The following ATG5 variants were observed in gnomAD, a reference collection of about 807,000 sequenced individuals.
ATG5 encodes autophagy protein 5.
In ATG5, 14 loss-of-function variants were observed where a neutral mutation model predicts 36.5. That is an observed-to-expected ratio of 0.38 (90% CI 0.25 to 0.60). ATG5 has a LOEUF of 0.60. Among genes scored for constraint, ATG5 ranks in the 20% least tolerant of loss-of-function variants. The pLI is 0.60. For synonymous variants in ATG5, 95 were observed against 101.5 expected, an observed-to-expected ratio of 0.94 and a Z score of 0.38; for missense variants, 195 against 326.7, an observed-to-expected ratio of 0.60 and a Z score of 3.11.
chr6:106,203,163 C>T (rs567762441), intron 6 of ATG5, among the ~76,000 whole-genome samples: 1 of 152,220 alleles, frequency 6.6e-6, no homozygotes, highest in Non-Finnish European at 1.5e-5. Context: ...AACAGCAGAT[C>T]CAGCCATTTC....
At chr6:106,264,473 T>C (rs554026262) in intron 5 of ATG5, among the ~76,000 whole-genome samples, 2 of 152,110 alleles carry the variant, frequency 1.3e-5, no homozygotes, top group East Asian at 3.9e-4. Flanking sequence ...AACATTCAAA[T>C]TCAGGAAATA....
intron 5 of ATG5, among the ~76,000 whole-genome samples, chr6:106,255,291 A>C (rs575041735): frequency 6.6e-6 from 1 of 152,332 alleles, no homozygotes; most frequent in South Asian, 2.1e-4. Flanking sequence ...GAGAGGACAT[A>C]AGCATGATGG....
chr6:106,292,995 A>T (rs774552148), intron 4 of ATG5, 33 bp downstream of exon 4: 7 of 1,552,988 alleles, frequency 4.5e-6, no homozygotes, highest in Non-Finnish European at 5.3e-6. Context: ...ATGTATCACA[A>T]ATGGGACGAA....
chr6:106,323,903 T>C (rs1361310338), intron 1 of ATG5, among the ~76,000 whole-genome samples: 2 of 152,174 alleles, frequency 1.3e-5, no homozygotes, highest in Non-Finnish European at 1.5e-5. Flanking sequence ...ACTACTTCTT[T>C]CCCTCTTGTT....
chr6:106,184,721 T>C lies in ATG5; in HGVS notation c.*1819A>G, dbSNP rs1340302366. ...AGATCAGAAGTTCACTCAAGCCTAC[T>C]GCAAAGGCCTGACACTGGTTTTGTC... On this transcript the variant is annotated 3_prime_UTR_variant, in exon 8 of 8. Coordinates refer to ENST00000369076, the MANE Select transcript of ATG5 (RefSeq NM_004849.4). 6.6e-6 allele frequency: 1 copy of C among 152,314 alleles called. No individual in the cohort carries two copies. Among genetic ancestry groups the C allele is most frequent in the African/African-American group, 2.4e-5 (1 of 41,462 alleles). 9.4% of individuals were successfully genotyped at this position (152,314 alleles called of 1,614,324 possible).
At chr6:106,244,193 A>G (rs1438675392) in intron 6 of ATG5, among the ~76,000 whole-genome samples, 1 of 152,086 alleles carries the variant, frequency 6.6e-6, no homozygotes, top group African/African-American at 2.4e-5. Flanking sequence ...TGTTTTTTTA[A>G]AACTAAAAAT....
At chr6:106,213,763 A>G (rs1308078756) in intron 6 of ATG5, among the ~76,000 whole-genome samples, 1 of 152,206 alleles carries the variant, frequency 6.6e-6, no homozygotes, top group African/African-American at 2.4e-5. Flanking sequence ...CTTTGGGAGT[A>G]CTGTTTCTGA....
At chr6:106,246,681 T>A (rs920609368) in intron 6 of ATG5, among the ~76,000 whole-genome samples, 1 of 152,290 alleles carries the variant, frequency 6.6e-6, no homozygotes, top group Admixed American at 6.5e-5. Context: ...TTGACCCAAA[T>A]AAGTGCTGAG....
intron 6 of ATG5, among the ~76,000 whole-genome samples, chr6:106,228,310 T>C (rs1777527252): frequency 6.6e-6 from 1 of 152,168 alleles, no homozygotes; most frequent in Admixed American, 6.5e-5. Flanking sequence ...TCCATCCCTC[T>C]GGATCTAGCA....
At chr6:106,260,272 A>G (rs1778966343) in intron 5 of ATG5, among the ~76,000 whole-genome samples, 1 of 152,268 alleles carries the variant, frequency 6.6e-6, no homozygotes, top group Non-Finnish European at 1.5e-5. Flanking sequence ...TAAAAAAGAA[A>G]AAATAGCCAC....
At chr6:106,232,783 T>G (rs1441496793) in intron 6 of ATG5, among the ~76,000 whole-genome samples, 1 of 152,198 alleles carries the variant, frequency 6.6e-6, no homozygotes, top group African/African-American at 2.4e-5. Context: ...TAGCTGTACC[T>G]AACCCTTATA....
At chr6:106,201,595 T>C (rs889113248) in intron 7 of ATG5, among the ~76,000 whole-genome samples, 1 of 152,222 alleles carries the variant, frequency 6.6e-6, no homozygotes, top group Non-Finnish European at 1.5e-5. Context: ...TTTTCAGTAT[T>C]ATCAACTTTC....
At chr6:106,324,116 TAC>T in intron 1 of ATG5, among the ~76,000 whole-genome samples, 1 of 152,274 alleles carries the variant, frequency 6.6e-6, no homozygotes, top group African/African-American at 2.4e-5. Context: ...CCACTTGACG[TAC>T]ACAGTTGGCC....
intron 5 of ATG5, among the ~76,000 whole-genome samples, chr6:106,254,386 TCTTCAGCCCTAGAAAGTTCTACGTA>T (rs1303026966): frequency 3.9e-5 from 6 of 152,324 alleles, no homozygotes; most frequent in South Asian, 2.1e-4. Context: ...AAAGACTTTA[TCTTCAGCCCTAGAAAGTTCTACGTA>T]CTTCAGCCCT....
At chr6:106,201,416 A>G (rs1435844208) in intron 7 of ATG5, among the ~76,000 whole-genome samples, 1 of 152,170 alleles carries the variant, frequency 6.6e-6, no homozygotes, top group Non-Finnish European at 1.5e-5. Flanking sequence ...CAGAAATTTT[A>G]AAATTTGTCC....
chr6:106,249,809 G>A (rs1285769608), intron 5 of ATG5, among the ~76,000 whole-genome samples: 3 of 152,130 alleles, frequency 2.0e-5, no homozygotes, highest in Non-Finnish European at 4.4e-5. Flanking sequence ...ATTCTGGCAG[G>A]CATCAAGAAG....
chr6:106,232,486 T>C (rs1194131662), intron 6 of ATG5, among the ~76,000 whole-genome samples: 1 of 152,038 alleles, frequency 6.6e-6, no homozygotes, highest in Non-Finnish European at 1.5e-5. Flanking sequence ...AAGGAATTAA[T>C]CTTGAAGACT....
intron 5 of ATG5, among the ~76,000 whole-genome samples, chr6:106,276,388 C>T (rs367609162): frequency 1.2e-3 from 179 of 149,216 alleles, no homozygotes; most frequent in South Asian, 6.6e-3. Flanking sequence ...GGCGTGAACC[C>T]GGGAAGCGGA....
intron 5 of ATG5, among the ~76,000 whole-genome samples, chr6:106,250,570 A>C (rs942400384): frequency 1.3e-5 from 2 of 152,258 alleles, no homozygotes; most frequent in Admixed American, 1.3e-4. Flanking sequence ...GTCCTCTCAC[A>C]TATGAAGCAA....
Sources: gnomAD v4.1 joint callset for allele counts (sites outside exome capture counted in the v4.1 genomes callset) on GRCh38, gnomAD v4.1.1 for gene constraint, MANE v1.5 for transcripts, NCBI Gene and HGNC (gene_info 2026-07-23, HGNC 2026-07-21) for gene names.